Variants in MGLL observed in about 807,000 individuals in gnomAD.
MGLL encodes monoglyceride lipase.
Under a neutral mutation model 29.1 loss-of-function variants are expected in MGLL, and 7 were observed. The observed-to-expected ratio is 0.24, with a 90% CI of 0.14 to 0.45. The LOEUF (loss-of-function observed/expected upper bound fraction) is 0.45. MGLL is among the 20% of genes least tolerant of loss of function. The probability of loss-of-function intolerance (pLI) is 0.99; values close to 1 mark genes in which losing one functional copy is unlikely to be tolerated. For synonymous variants in MGLL, 148 were observed against 168.3 expected (o/e 0.88, Z 0.93); for missense variants, 356 against 413.6 (o/e 0.86, Z 1.21).
intron 3 of MGLL, among the ~76,000 whole-genome samples, chr3:127,725,875 G>A (rs1175109417): frequency 6.6e-6 from 1 of 151,974 alleles, no homozygotes; most frequent in Admixed American, 6.6e-5. Flanking sequence ...CAATTGGCCT[G>A]GGCAATATAA....
chr3:127,754,651 C>T (rs2076626579), intron 3 of MGLL, among the ~76,000 whole-genome samples: 1 of 152,318 alleles, frequency 6.6e-6, no homozygotes, highest in Non-Finnish European at 1.5e-5. Flanking sequence ...TCCCAGTGGG[C>T]ACCTACAGGT....
chr3:127,781,687 A>C, intron 3 of MGLL, 102 bp downstream of exon 3: 1 of 1,053,182 alleles, frequency 9.5e-7, no homozygotes, highest in Non-Finnish European at 1.5e-6. Flanking sequence ...TCCGTGGGGA[A>C]TAGAAGAATT....
In MGLL at chr3:127,692,094, A is replaced by ATTTTTTT. The variant is rs11433015; in HGVS notation, c.*97_*103dup. Reference sequence around the variant, plus strand: ...GTGCTAAGGATTTCTCCAATTTCTGATTTTTTTTTTTTTTTTTTTTTGGCA... The same window carrying ATTTTTTT: ...GTGCTAAGGATTTCTCCAATTTCTGATTTTTTTTTTTTTTTTTTTTTTTTTTTTGGCA... On this transcript the variant is annotated 3_prime_UTR_variant, in exon 8 of 8. Transcript: ENST00000265052. 1.6e-4 allele frequency: 111 copies of ATTTTTTT among 709,148 alleles called. 9 individuals carry two copies. The highest frequency in any genetic ancestry group is 5.2e-4 in the East Asian group (13 of 24,934). The allele number at this position is 709,148 out of a possible 1,614,324, so 43.9% of individuals were successfully genotyped here.
intron 3 of MGLL, among the ~76,000 whole-genome samples, chr3:127,740,198 C>A (rs1023845779): frequency 2.0e-5 from 3 of 152,244 alleles, no homozygotes; most frequent in Admixed American, 2.0e-4. Flanking sequence ...AAATTGACCG[C>A]CTTCACTGTC....
At chr3:127,755,520 G>A (rs769748499) in intron 3 of MGLL, among the ~76,000 whole-genome samples, 5 of 152,160 alleles carry the variant, frequency 3.3e-5, no homozygotes, top group Non-Finnish European at 5.9e-5. Flanking sequence ...ATGCGTGTGG[G>A]TGGGAGGTGC....
chr3:127,751,857 A>G (rs2076564953), intron 3 of MGLL, among the ~76,000 whole-genome samples: 1 of 152,228 alleles, frequency 6.6e-6, no homozygotes, highest in South Asian at 2.1e-4. Flanking sequence ...TGGCTCTACC[A>G]TGATGGGCAT....
At chr3:127,801,056 C>G (rs1191659878) in intron 2 of MGLL, among the ~76,000 whole-genome samples, 2 of 152,070 alleles carry the variant, frequency 1.3e-5, no homozygotes, top group African/African-American at 4.8e-5. Context: ...AATCCCAGCA[C>G]TTTGGGAGGC....
At chr3:127,720,026 T>C (rs903741442) in intron 5 of MGLL, among the ~76,000 whole-genome samples, 1 of 152,238 alleles carries the variant, frequency 6.6e-6, no homozygotes, top group Non-Finnish European at 1.5e-5. Context: ...TCTGTGGTCA[T>C]GGGCTGAAGG....
chr3:127,723,569 G>T (rs1049068696), intron 3 of MGLL, among the ~76,000 whole-genome samples: 3 of 151,642 alleles, frequency 2.0e-5, no homozygotes, highest in African/African-American at 7.3e-5. Flanking sequence ...CCCACGGTCT[G>T]TCTGACCATC....
chr3:127,743,976 G>C (rs1353497070), intron 3 of MGLL, among the ~76,000 whole-genome samples: 2 of 152,150 alleles, frequency 1.3e-5, no homozygotes, highest in East Asian at 1.9e-4. Context: ...TCCCTTTGTG[G>C]CTCTCTGCAT....
chr3:127,816,426 G>A (rs1046332157), intron 2 of MGLL, among the ~76,000 whole-genome samples: 1 of 152,220 alleles, frequency 6.6e-6, no homozygotes. Context: ...GTCTCAGGAA[G>A]GCCGTGGGGA....
Position 127,692,202 on chromosome 3 carries a change from G to T in MGLL, c.938C>A (p.Pro313His). 1 of 1,613,332 alleles carries T rather than the reference G, an allele frequency of 6.2e-7. No homozygotes were observed. The highest frequency in any genetic ancestry group is 1.3e-5 in the African/African-American group (1 of 74,758). ...RTATAGTASPP is the reference protein window; with the variant it reads ...RTATAGTASPH ...GCCGGGCACCGGCCAATGCATTCAGGGTGGGGACGCAGTTCCTGCCGTGGC... is the reference window on the plus strand; with the variant it reads ...GCCGGGCACCGGCCAATGCATTCAGTGTGGGGACGCAGTTCCTGCCGTGGC... Residue 313 changes from proline to histidine, a missense_variant, in exon 8 of 8, where the codon CCC (proline) becomes CAC (histidine). Pro to His is a moderately conservative substitution (Grantham distance 77). Transcript: ENST00000265052.
rs771859083 is a variant in MGLL, at chr3:127,701,757, C to G, written c.601-6567G>C. ...TCCCGTGTGTGTCATCCCCAGACCC[C>G]TTTCCTCATGTGCTTGTCGTCTGCA... On this transcript the variant is annotated intron_variant, in intron 6 of 7. Coordinates refer to ENST00000265052, the MANE Select transcript of MGLL (RefSeq NM_007283.7). Among the ~76,000 whole-genome samples the G allele has an allele frequency of 5.8e-4, 89 of 152,188 alleles. 3 individuals carry two copies. Among genetic ancestry groups the G allele is most frequent in the Non-Finnish European group, 1.0e-4 (7 of 68,030 alleles).
intron 3 of MGLL, among the ~76,000 whole-genome samples, chr3:127,777,582 A>C (rs1244670814): frequency 2.0e-5 from 3 of 152,094 alleles, no homozygotes; most frequent in Non-Finnish European, 2.9e-5. Flanking sequence ...ACCTGTTAGA[A>C]CATGAGGCTG....
At chr3:127,776,622 G>A (rs571790825) in intron 3 of MGLL, among the ~76,000 whole-genome samples, 47 of 152,262 alleles carry the variant, frequency 3.1e-4, no homozygotes, top group South Asian at 1.9e-3. Flanking sequence ...TCCCAGCAGC[G>A]CATCCATGGC....
intron 3 of MGLL, among the ~76,000 whole-genome samples, chr3:127,756,402 C>T (rs2076665392): frequency 6.6e-6 from 1 of 152,176 alleles, no homozygotes; most frequent in Admixed American, 6.5e-5. Flanking sequence ...GCCAATATTT[C>T]TCTGCTTTCA....
intron 5 of MGLL, chr3:127,715,516 C>G: frequency 2.8e-6 from 1 of 359,630 alleles, no homozygotes; most frequent in South Asian, 2.1e-5. Context: ...ATGTTTTGAA[C>G]AACTGCAAAA....
chr3:127,724,701 G>A (rs2075998289), intron 3 of MGLL, among the ~76,000 whole-genome samples: 1 of 152,094 alleles, frequency 6.6e-6, no homozygotes, highest in Non-Finnish European at 1.5e-5. Flanking sequence ...AAAGCCTGAG[G>A]GCTGGCTGCA....
Position 127,821,837 on chromosome 3 carries a change from T to G in MGLL, c.12A>C (p.Gly4=). 1 of 1,613,218 alleles carries G rather than the reference T, an allele frequency of 6.2e-7. No individual in the cohort carries two copies. Among genetic ancestry groups the G allele is most frequent in the Non-Finnish European group, 8.5e-7 (1 of 1,179,358 alleles). ...CTGGCATGCTGGAAGGGTCTTCAGG[T>G]CCTAGAAGGAAAAGTGACATATTCC... MET[G]PEDPSSMPEE... is the part of the protein sequence containing the mutation. Residue 4 remains glycine (G), a splice_region_variant and synonymous_variant, in exon 2 of 8, where the codon GGA becomes GGC. Coordinates refer to ENST00000265052, the MANE Select transcript of MGLL (RefSeq NM_007283.7).
Sources: allele counts gnomAD v4.1 joint callset (sites outside exome capture counted in the v4.1 genomes callset), GRCh38; gene constraint gnomAD v4.1.1; transcripts MANE v1.5; gene names NCBI Gene and HGNC (gene_info 2026-07-23, HGNC 2026-07-21).